The following LRTM3 variants were observed in gnomAD, a reference collection of about 807,000 sequenced individuals.
The protein encoded by LRTM3 is leucine-rich repeat transmembrane protein 3.
the LRTM3 span, chr13:102,749,566 A>G: frequency 1.3e-6 from 2 of 1,551,404 alleles, no homozygotes; most frequent in African/African-American, 2.7e-5. Flanking sequence ...ATTTTGCCTC[A>G]ACAATTGATG....
the LRTM3 span, chr13:102,730,896 T>C: frequency 5.2e-6 from 8 of 1,551,264 alleles, no homozygotes; most frequent in Non-Finnish European, 7.0e-6. Context: ...AACAAAATTC[T>C]GTTTTGTCGT....
the LRTM3 span, chr13:102,739,532 G>T: frequency 1.3e-6 from 2 of 1,550,172 alleles, no homozygotes; most frequent in Admixed American, 2.0e-5. Flanking sequence ...ACACAAGTTT[G>T]TCAGTTTCAT....
chr13:102,736,394 C>A, the LRTM3 span: 3 of 1,550,966 alleles, frequency 1.9e-6, no homozygotes, highest in Non-Finnish European at 2.6e-6. Flanking sequence ...GTGCATCAGG[C>A]CATGCATGGA....
chr13:102,734,049 A>G, the LRTM3 span: 1 of 1,551,448 alleles, frequency 6.4e-7, no homozygotes, highest in East Asian at 2.4e-5. Flanking sequence ...AAAGTCCTTG[A>G]CAGAACCACA....
chr13:102,742,918 A>G, the LRTM3 span: 1 of 1,550,314 alleles, frequency 6.5e-7, no homozygotes, highest in Non-Finnish European at 8.7e-7. Context: ...CTGCACAATT[A>G]TCTGATTTCT....
the LRTM3 span, chr13:102,758,971 G>C: frequency 8.1e-7 from 1 of 1,233,810 alleles, no homozygotes; most frequent in Admixed American, 2.5e-5. Context: ...GTCTCATTCA[G>C]AAGTCCTTGA....
chr13:102,744,020 T>C, the LRTM3 span: 8 of 1,550,374 alleles, frequency 5.2e-6, no homozygotes, highest in Non-Finnish European at 7.0e-6. Flanking sequence ...TGCTGTATTG[T>C]ATAAGAGTTT....
the LRTM3 span, chr13:102,740,974 A>T: frequency 6.5e-7 from 1 of 1,550,132 alleles, no homozygotes; most frequent in Non-Finnish European, 8.7e-7. Context: ...CTGAACATGG[A>T]GGTTGATCCA....
the LRTM3 span, chr13:102,742,773 C>A: frequency 1.9e-6 from 3 of 1,550,538 alleles, no homozygotes; most frequent in Non-Finnish European, 2.6e-6. Flanking sequence ...TCTTCTGAAG[C>A]AGGTGAATGC....
At chr13:102,747,383 T>A in the LRTM3 span, 1 of 1,550,314 alleles carries the variant, frequency 6.5e-7, no homozygotes, top group Non-Finnish European at 8.7e-7. Context: ...ACCACATATA[T>A]TAATATAAGG....
the LRTM3 span, chr13:102,735,237 C>G: frequency 6.4e-7 from 1 of 1,551,286 alleles, no homozygotes; most frequent in African/African-American, 1.4e-5. Context: ...GGATCCAGTA[C>G]ACTGGTCATA....
At chr13:102,745,390 A>G in the LRTM3 span, 7 of 1,550,402 alleles carry the variant, frequency 4.5e-6, no homozygotes, top group Non-Finnish European at 3.5e-6. Flanking sequence ...CTACCTTGCT[A>G]TACTTGTTAA....
chr13:102,733,851 A>G, the LRTM3 span: 1 of 1,551,376 alleles, frequency 6.4e-7, no homozygotes, highest in Non-Finnish European at 8.7e-7. Context: ...CGGGGCACAT[A>G]CTGTTCTGCT....
chr13:102,733,203 T>A, the LRTM3 span: 1 of 1,551,492 alleles, frequency 6.4e-7, no homozygotes, highest in South Asian at 1.2e-5. Flanking sequence ...TGCTTTTTCA[T>A]GACAATATCT....
the LRTM3 span, among the ~76,000 whole-genome samples, chr13:102,753,669 G>C: frequency 6.6e-6 from 1 of 152,116 alleles, no homozygotes; most frequent in East Asian, 1.9e-4. Context: ...GTGATACGTT[G>C]TTATGGCAGC....
At chr13:102,737,413 T>C in the LRTM3 span, 1 of 1,550,738 alleles carries the variant, frequency 6.4e-7, no homozygotes, top group Non-Finnish European at 8.7e-7. Context: ...GGAAGAGAAC[T>C]GTTTCCTGTT....
chr13:102,752,714 A>C, the LRTM3 span, among the ~76,000 whole-genome samples: 1 of 152,218 alleles, frequency 6.6e-6, no homozygotes, highest in Admixed American at 6.5e-5. Flanking sequence ...TGTTTCTCTA[A>C]AATTCATATG....
chr13:102,735,685 T>C, the LRTM3 span: 8 of 1,551,220 alleles, frequency 5.2e-6, no homozygotes, highest in Non-Finnish European at 7.0e-6. Flanking sequence ...TGGGTTGCAC[T>C]GGTCCTTTTG....
chr13:102,746,452 G>T, the LRTM3 span: 3 of 1,551,002 alleles, frequency 1.9e-6, no homozygotes, highest in South Asian at 2.4e-5. Flanking sequence ...GCATTGGAGA[G>T]CAAAGGGTAT....
Sources: gnomAD v4.1 joint callset for allele counts (sites outside exome capture counted in the v4.1 genomes callset) on GRCh38, gnomAD v4.1.1 for gene constraint, MANE v1.5 for transcripts, NCBI Gene and HGNC (gene_info 2026-07-23, HGNC 2026-07-21) for gene names.